Variants in ZNF618 observed in about 807,000 individuals in gnomAD.
ZNF618 encodes the protein zinc finger protein 618.
ZNF618 carries 34 observed loss-of-function variants against 103.0 expected under a neutral mutation model. The ratio of observed to expected loss-of-function variants is 0.33; its 90% confidence interval spans 0.25 to 0.44. The LOEUF (loss-of-function observed/expected upper bound fraction) is 0.44, where lower values mean the gene tolerates loss of function less well. Among genes scored for constraint, ZNF618 ranks in the 20% least tolerant of loss-of-function variants. The pLI, the probability that ZNF618 is intolerant of heterozygous loss-of-function variation, is 1.00. For missense variants in ZNF618, 1,059 were observed against 1,295.4 expected, an observed-to-expected ratio of 0.82 and a Z score of 2.80; for synonymous variants, 551 against 542.2, an observed-to-expected ratio of 1.02 and a Z score of -0.23.
At chr9:114,011,605 C>T (rs970356843) in intron 9 of ZNF618, among the ~76,000 whole-genome samples, 1 of 152,206 alleles carries the variant, frequency 6.6e-6, no homozygotes, top group East Asian at 1.9e-4. Context: ...AGGCCAATGC[C>T]ACAGAACGCG....
intron 1 of ZNF618, among the ~76,000 whole-genome samples, chr9:113,951,000 A>C (rs2132279870): frequency 7.2e-6 from 1 of 139,164 alleles, no homozygotes; most frequent in South Asian, 2.8e-4. Context: ...TGGGAGGGGA[A>C]AGGAGGAAGG....
intron 9 of ZNF618, among the ~76,000 whole-genome samples, chr9:114,011,079 G>A (rs1487063988): frequency 6.6e-6 from 1 of 152,132 alleles, no homozygotes; most frequent in African/African-American, 2.4e-5. Flanking sequence ...AAAGAGTCAA[G>A]GGCAAGAGTT....
At position 114,055,354 on chromosome 9, in the gene ZNF618, C is replaced by G. The variant is rs888917172; in HGVS notation, c.*5187C>G. Reference sequence around the variant, plus strand: ...CTGGGCCTCGCCAGCCAGGAGAGAGCGAGGGCCGCACGGCAGGGCTGGCCC... The same window carrying G: ...CTGGGCCTCGCCAGCCAGGAGAGAGGGAGGGCCGCACGGCAGGGCTGGCCC... On this transcript the variant is annotated 3_prime_UTR_variant, in exon 15 of 15. Transcript: ENST00000374126. The G allele has an allele frequency of 6.6e-6, 1 of 152,642 alleles. No homozygotes were observed. The highest frequency in any genetic ancestry group is 2.4e-5 in the African/African-American group (1 of 41,432). 9.5% of individuals were successfully genotyped at this position (152,642 alleles called of 1,614,324 possible).
intron 12 of ZNF618, among the ~76,000 whole-genome samples, chr9:114,036,027 G>A (rs1221168883): frequency 1.3e-5 from 2 of 152,180 alleles, no homozygotes; most frequent in African/African-American, 4.8e-5. Flanking sequence ...CAAGTGCGCC[G>A]AACAGTGGCT....
chr9:114,055,441 CG>C lies in ZNF618; in HGVS notation c.*5275del, dbSNP rs1459178526. ...CAGGAAATCATTTTGTACAACCACC[CG>C]AAGCAGAGATATTTTTTAAGAAGCG... On this transcript the variant is annotated 3_prime_UTR_variant, in exon 15 of 15. Transcript: ENST00000374126. 1 of 152,636 alleles carries C rather than the reference CG, an allele frequency of 6.6e-6. No individual in the cohort carries two copies. Among genetic ancestry groups the C allele is most frequent in the Non-Finnish European group, 1.5e-5 (1 of 68,054 alleles). The allele number at this position is 152,636 out of a possible 1,614,324, so 9.5% of individuals were successfully genotyped here.
chr9:113,882,296 C>T (rs1828600330), intron 1 of ZNF618, among the ~76,000 whole-genome samples: 1 of 152,162 alleles, frequency 6.6e-6, no homozygotes, highest in Non-Finnish European at 1.5e-5. Context: ...CTTTGTGTGA[C>T]TTCGGGAAAG....
In ZNF618 at chr9:114,051,846, C is replaced by T. The variant is rs7037095; in HGVS notation, c.*1679C>T. Reference sequence around the variant, plus strand: ...GACACCCCATTCCCTTCACAAGAGGCGGTTCTGTCACAAATCAGCACTCCA... The same window carrying T: ...GACACCCCATTCCCTTCACAAGAGGTGGTTCTGTCACAAATCAGCACTCCA... On this transcript the variant is annotated 3_prime_UTR_variant, in exon 15 of 15. Coordinates refer to ENST00000374126, the MANE Select transcript of ZNF618 (RefSeq NM_001318042.2). 110,661 of 152,142 alleles carry T rather than the reference C, an allele frequency of 0.73. 40,611 individuals are homozygous for T. The highest frequency in any genetic ancestry group is 0.85 in the Middle Eastern group (253 of 296). The allele number at this position is 152,142 out of a possible 1,614,324, so 9.4% of individuals were successfully genotyped here. A position where few individuals can be genotyped will look rare whatever the true frequency, so the allele number is the denominator to read the frequency against.
intron 2 of ZNF618, among the ~76,000 whole-genome samples, chr9:113,970,669 T>C (rs1396697008): frequency 1.3e-5 from 2 of 151,988 alleles, no homozygotes; most frequent in East Asian, 3.9e-4. Flanking sequence ...ATGAATGCCC[T>C]TTCATCTTTC....
chr9:114,047,909 C>T lies in ZNF618; in HGVS notation c.1263C>T (p.Asn421=). 10 of 1,601,736 alleles carry T rather than the reference C, an allele frequency of 6.2e-6. No individual in the cohort carries two copies. Among genetic ancestry groups the T allele is most frequent in the Non-Finnish European group, 8.5e-6 (10 of 1,174,214 alleles). The change falls in exon 14 of 15, where the codon AAC becomes AAT. Residue 421 remains asparagine, a synonymous_variant. Coordinates refer to ENST00000374126, the MANE Select transcript of ZNF618 (RefSeq NM_001318042.2). ...MQSHAADNEN[N]IASNQSRSPP... Reference sequence around the variant, plus strand: ...TGCCCACAGCTGACAATGAAAACAACATTGCCTCCAACCAGTCCCGATCGC... The same window carrying T: ...TGCCCACAGCTGACAATGAAAACAATATTGCCTCCAACCAGTCCCGATCGC...
intron 13 of ZNF618, among the ~76,000 whole-genome samples, chr9:114,039,761 A>G (rs775925018): frequency 5.3e-5 from 8 of 152,194 alleles, no homozygotes; most frequent in Non-Finnish European, 1.2e-4. Context: ...TGAGGGTTCC[A>G]GAGATGACGG....
At chr9:114,006,302 C>G (rs1841753411) in intron 6 of ZNF618, among the ~76,000 whole-genome samples, 1 of 152,200 alleles carries the variant, frequency 6.6e-6, no homozygotes, top group African/African-American at 2.4e-5. Flanking sequence ...CTGACTCAGC[C>G]TTAGCTTGGA....
intron 1 of ZNF618, among the ~76,000 whole-genome samples, chr9:113,890,907 T>G (rs1348880267): frequency 1.3e-5 from 2 of 152,260 alleles, no homozygotes; most frequent in Admixed American, 1.3e-4. Context: ...TGCATTTCTT[T>G]TATGAATTGC....
At chr9:113,992,190 G>T (rs189691308) in intron 3 of ZNF618, among the ~76,000 whole-genome samples, 54 of 152,188 alleles carry the variant, frequency 3.5e-4, no homozygotes, top group Non-Finnish European at 5.9e-4. Flanking sequence ...TGGCATGATT[G>T]ATTGTTGGTG....
Position 114,002,682 on chromosome 9 carries a change from C to A in ZNF618, c.550+20C>A. On this transcript the variant is annotated intron_variant, in intron 6 of 14. Coordinates refer to ENST00000374126, the MANE Select transcript of ZNF618 (RefSeq NM_001318042.2). ...AAAGCAGTGAGTACTTTTTCCTCCTCGTGGGCTGCTGAGGGGCGAGGGCTT... is the reference window on the plus strand; with the variant it reads ...AAAGCAGTGAGTACTTTTTCCTCCTAGTGGGCTGCTGAGGGGCGAGGGCTT... The A allele has an allele frequency of 1.2e-6, 2 of 1,610,398 alleles. No individual in the cohort carries two copies. Among genetic ancestry groups the A allele is most frequent in the Non-Finnish European group, 8.5e-7 (1 of 1,179,356 alleles).
intron 1 of ZNF618, among the ~76,000 whole-genome samples, chr9:113,944,776 C>A (rs1427488804): frequency 6.6e-6 from 1 of 152,114 alleles, no homozygotes; most frequent in Non-Finnish European, 1.5e-5. Context: ...AATAAAAATT[C>A]TTATTAAGGT....
chr9:114,013,287 A>T (rs908931412), intron 9 of ZNF618, among the ~76,000 whole-genome samples: 2 of 152,224 alleles, frequency 1.3e-5, no homozygotes, highest in Non-Finnish European at 2.9e-5. Context: ...TAAAGACTCA[A>T]TTGTGAGAAA....
In ZNF618 at chr9:114,028,722, G is replaced by A. The variant is rs1318921832; in HGVS notation, c.845-11G>A. 2 of 1,547,844 alleles carry A rather than the reference G, an allele frequency of 1.3e-6. No homozygotes were observed. Among genetic ancestry groups the A allele is most frequent in the Non-Finnish European group, 1.7e-6 (2 of 1,145,256 alleles). ...GAGGGCCCTCGGGGACTGAGAGCGT[G>A]ACCCTCTCAGGTACTGCCCCCGGGT... On this transcript the variant is annotated splice_polypyrimidine_tract_variant and intron_variant, in intron 10 of 14. Transcript: ENST00000374126.
intron 1 of ZNF618, among the ~76,000 whole-genome samples, chr9:113,878,840 A>G (rs898032797): frequency 1.3e-5 from 2 of 152,100 alleles, no homozygotes; most frequent in Admixed American, 6.5e-5. Context: ...GGAAATTTGG[A>G]TGTTTAAGTG....
At chr9:113,882,987 T>C (rs1197814052) in intron 1 of ZNF618, among the ~76,000 whole-genome samples, 1 of 152,218 alleles carries the variant, frequency 6.6e-6, no homozygotes, top group African/African-American at 2.4e-5. Flanking sequence ...CATTTCTGCT[T>C]CTCCAGCCAA....
Sources: allele counts gnomAD v4.1 joint callset (sites outside exome capture counted in the v4.1 genomes callset), GRCh38; gene constraint gnomAD v4.1.1; transcripts MANE v1.5; gene names NCBI Gene and HGNC (gene_info 2026-07-23, HGNC 2026-07-21).